SGCZ: variants seen among roughly 807,000 people sequenced by gnomAD.
SGCZ encodes zeta-sarcoglycan.
In SGCZ, 40 loss-of-function variants were observed where a neutral mutation model predicts 41.3. The ratio of observed to expected loss-of-function variants is 0.97; its 90% confidence interval spans 0.75 to 1.26. SGCZ has a LOEUF of 1.26. SGCZ is among the 50% of genes most tolerant of loss of function. SGCZ has a pLI of 0.00. For synonymous variants in SGCZ, 206 were observed against 137.5 expected (o/e 1.50, Z -3.49); for missense variants, 552 against 369.8 (o/e 1.49, Z -4.04).
At chr8:14,716,700 A>G (rs1189866157) in intron 1 of SGCZ, among the ~76,000 whole-genome samples, 3 of 152,120 alleles carry the variant, frequency 2.0e-5, no homozygotes. Flanking sequence ...CGTACAGATA[A>G]CACAAGTTTC....
At chr8:14,275,442 G>C (rs1346811293) in intron 3 of SGCZ, among the ~76,000 whole-genome samples, 2 of 152,050 alleles carry the variant, frequency 1.3e-5, no homozygotes, top group Non-Finnish European at 2.9e-5. Flanking sequence ...CTTTCCCTTG[G>C]CTGGGGCCTG....
chr8:14,271,396 A>G (rs1016275244), intron 3 of SGCZ, among the ~76,000 whole-genome samples: 18 of 152,208 alleles, frequency 1.2e-4, no homozygotes, highest in Non-Finnish European at 2.5e-4. Context: ...AATATATAAT[A>G]GTAGAGTTAT....
At chr8:14,805,695 C>G (rs1244814479) in intron 1 of SGCZ, among the ~76,000 whole-genome samples, 2 of 151,770 alleles carry the variant, frequency 1.3e-5, no homozygotes, top group East Asian at 3.9e-4. Context: ...ACCAAGGATA[C>G]CCAGGAATTG....
chr8:15,138,313 T>G (rs147734710), intron 1 of SGCZ, among the ~76,000 whole-genome samples: 3,513 of 152,252 alleles, frequency 0.023, 74 homozygotes, highest in Non-Finnish European at 0.033. Flanking sequence ...TTGTCTCAGA[T>G]AAGACTTTGG....
chr8:14,167,337 A>T (rs1216589619), intron 4 of SGCZ, among the ~76,000 whole-genome samples: 1 of 152,150 alleles, frequency 6.6e-6, no homozygotes, highest in Non-Finnish European at 1.5e-5. Flanking sequence ...TTAATCCACC[A>T]ATGATGCTGC....
At chr8:14,178,530 G>C (rs1276114623) in intron 4 of SGCZ, among the ~76,000 whole-genome samples, 1 of 152,184 alleles carries the variant, frequency 6.6e-6, no homozygotes, top group Non-Finnish European at 1.5e-5. Context: ...AGAGTTCTGA[G>C]ATAAAGGCTA....
At chr8:14,618,801 A>G (rs1158832170) in intron 1 of SGCZ, among the ~76,000 whole-genome samples, 1 of 152,180 alleles carries the variant, frequency 6.6e-6, no homozygotes, top group Non-Finnish European at 1.5e-5. Flanking sequence ...TAATTTTAAG[A>G]TGGACTGAAA....
chr8:14,195,328 T>G (rs1285440321), intron 4 of SGCZ, among the ~76,000 whole-genome samples: 1 of 151,982 alleles, frequency 6.6e-6, no homozygotes, highest in Admixed American at 6.6e-5. Context: ...GATTAGACAT[T>G]ACAGCTGAAA....
intron 2 of SGCZ, among the ~76,000 whole-genome samples, chr8:14,359,665 A>G (rs1289579272): frequency 1.2e-4 from 19 of 152,276 alleles, no homozygotes; most frequent in Admixed American, 7.2e-4. Flanking sequence ...AGCCCAAGAC[A>G]CAGTGACCTC....
intron 1 of SGCZ, among the ~76,000 whole-genome samples, chr8:14,846,717 A>C (rs1803122761): frequency 6.6e-6 from 1 of 150,670 alleles, no homozygotes; most frequent in Non-Finnish European, 1.5e-5. Context: ...AAAAAAAAAA[A>C]AAAAAAAAAA....
intron 2 of SGCZ, among the ~76,000 whole-genome samples, chr8:14,352,139 C>T (rs958215138): frequency 3.3e-5 from 5 of 151,986 alleles, no homozygotes; most frequent in Non-Finnish European, 2.9e-5. Context: ...GAATGAAATG[C>T]ATCTTTCAGG....
intron 2 of SGCZ, among the ~76,000 whole-genome samples, chr8:14,387,826 C>T (rs1156540366): frequency 6.6e-6 from 1 of 151,968 alleles, no homozygotes; most frequent in East Asian, 1.9e-4. Flanking sequence ...CTGGTCTTTG[C>T]ATTTTTAGCT....
chr8:15,131,623 C>T (rs1415864233), intron 1 of SGCZ, among the ~76,000 whole-genome samples: 1 of 152,116 alleles, frequency 6.6e-6, no homozygotes, highest in East Asian at 1.9e-4. Context: ...CCAAAGACAT[C>T]CCGATTTCTG....
chr8:14,819,810 C>T (rs1263195660), intron 1 of SGCZ, among the ~76,000 whole-genome samples: 1 of 151,874 alleles, frequency 6.6e-6, no homozygotes, highest in Non-Finnish European at 1.5e-5. Flanking sequence ...CCATTTTAAC[C>T]ACAAGATTTT....
chr8:14,656,396 T>C (rs1807572240), intron 1 of SGCZ, among the ~76,000 whole-genome samples: 1 of 140,398 alleles, frequency 7.1e-6, no homozygotes, highest in East Asian at 2.5e-4. Context: ...TTTCTCCCTT[T>C]CTCTTTCCTC....
intron 2 of SGCZ, among the ~76,000 whole-genome samples, chr8:14,334,985 T>C (rs921532097): frequency 2.0e-5 from 3 of 152,086 alleles, no homozygotes; most frequent in Non-Finnish European, 4.4e-5. Flanking sequence ...AGTACAGATA[T>C]CCTTCTGAGC....
intron 1 of SGCZ, among the ~76,000 whole-genome samples, chr8:14,570,286 G>C (rs1174155005): frequency 1.3e-5 from 2 of 152,128 alleles, no homozygotes; most frequent in African/African-American, 2.4e-5. Context: ...AGTAAGTTCT[G>C]ATTGAATAAA....
chr8:14,671,579 C>T (rs1458114224), intron 1 of SGCZ, among the ~76,000 whole-genome samples: 1 of 151,818 alleles, frequency 6.6e-6, no homozygotes, highest in Non-Finnish European at 1.5e-5. Context: ...TTCAGGGTGC[C>T]CAGGTGAGAA....
chr8:15,044,758 C>T (rs1010460319), intron 1 of SGCZ, among the ~76,000 whole-genome samples: 27 of 152,000 alleles, frequency 1.8e-4, no homozygotes, highest in Non-Finnish European at 4.4e-5. Context: ...CCCCTGTGGC[C>T]TGGTGAGGGG....
Sources: gnomAD v4.1 joint callset for allele counts (sites outside exome capture counted in the v4.1 genomes callset) on GRCh38, gnomAD v4.1.1 for gene constraint, MANE v1.5 for transcripts, NCBI Gene and HGNC (gene_info 2026-07-23, HGNC 2026-07-21) for gene names.